SLCO2B1: variants seen among roughly 807,000 people sequenced by gnomAD.
SLCO2B1 encodes the protein solute carrier organic anion transporter family member 2B1, also known as OATP-RP2.
In SLCO2B1, 41 loss-of-function variants were observed where a neutral mutation model predicts 67.3. That is an observed-to-expected ratio of 0.61 (90% CI 0.47 to 0.79). The LOEUF is 0.79. Ranked by LOEUF, SLCO2B1 falls within the 30% of genes least tolerant of loss-of-function variation. The pLI, the probability that SLCO2B1 is intolerant of heterozygous loss-of-function variation, is 0.00. For missense variants in SLCO2B1, 837 were observed against 920.1 expected (o/e 0.91, Z 1.17); for synonymous variants, 379 against 381.4 (o/e 0.99, Z 0.07).
chr11:75,162,329 C>T (rs118174580), intron 1 of SLCO2B1, among the ~76,000 whole-genome samples: 1 of 152,244 alleles, frequency 6.6e-6, no homozygotes, highest in Non-Finnish European at 1.5e-5. Context: ...GGGGCCACTA[C>T]CTGCAGGTGT....
chr11:75,180,185 A>G (rs537723778), intron 7 of SLCO2B1, among the ~76,000 whole-genome samples: 2 of 151,260 alleles, frequency 1.3e-5, no homozygotes, highest in South Asian at 4.2e-4. Context: ...CCTGGCAAAT[A>G]TTTGTAGTTT....
chr11:75,171,046 T>C lies in SLCO2B1; in HGVS notation c.781+1282T>C, dbSNP rs113948729. On this transcript the variant is annotated intron_variant, in intron 6 of 13. Coordinates refer to ENST00000289575, the MANE Select transcript of SLCO2B1 (RefSeq NM_007256.5). ...GAAGCGGACGGGTTGGAGAGGTGCA[T>C]GTGTGAGCTCTCACCAGCCTGACAT... 3.2e-3 allele frequency among the ~76,000 whole-genome samples: 491 copies of C among 152,142 alleles called. 1 individual carries two copies. The highest frequency in any genetic ancestry group is 0.011 in the African/African-American group (475 of 41,500).
intron 7 of SLCO2B1, among the ~76,000 whole-genome samples, chr11:75,175,446 A>G (rs1018609047): frequency 1.8e-4 from 28 of 152,174 alleles, no homozygotes; most frequent in African/African-American, 6.8e-4. Flanking sequence ...GAGAAAGTGA[A>G]GGGCAGAGCT....
chr11:75,189,467 A>T (rs1156905844), intron 8 of SLCO2B1, among the ~76,000 whole-genome samples: 2 of 152,188 alleles, frequency 1.3e-5, no homozygotes, highest in Non-Finnish European at 2.9e-5. Flanking sequence ...AACTGTACTT[A>T]TATATAAGGT....
chr11:75,162,627 T>A (rs754833792), intron 1 of SLCO2B1, 28 bp from the exon 2 acceptor site: 2 of 1,605,052 alleles, frequency 1.2e-6, no homozygotes, highest in Non-Finnish European at 1.7e-6. Flanking sequence ...TTCTATCTAT[T>A]CTCTTTCCCT....
At chr11:75,171,102 A>G (rs914386901) in intron 6 of SLCO2B1, among the ~76,000 whole-genome samples, 2 of 152,088 alleles carry the variant, frequency 1.3e-5, no homozygotes, top group African/African-American at 2.4e-5. Context: ...GTAAGGAGAG[A>G]ATCAAGTCTA....
At chr11:75,167,699 A>G (rs556292834) in intron 4 of SLCO2B1, among the ~76,000 whole-genome samples, 2 of 151,900 alleles carry the variant, frequency 1.3e-5, no homozygotes, top group South Asian at 4.2e-4. Context: ...CACACTCACC[A>G]CCCACCACTC....
At chr11:75,165,181 CA>C (rs113241111) in intron 3 of SLCO2B1, among the ~76,000 whole-genome samples, 1 of 152,168 alleles carries the variant, frequency 6.6e-6, no homozygotes, top group African/African-American at 2.4e-5. Flanking sequence ...CCTGTAATCC[CA>C]GCACTTTGGG....
At chr11:75,169,027 G>A (rs1330283122) in intron 4 of SLCO2B1, 146 bp from the exon 5 acceptor site, 8 of 629,774 alleles carry the variant, frequency 1.3e-5, no homozygotes, top group Non-Finnish European at 1.9e-5. Flanking sequence ...CTATGAAACA[G>A]GCATAATGAG....
chr11:75,155,388 C>T lies in SLCO2B1; in HGVS notation c.16+3991C>T, dbSNP rs537549360. Among the ~76,000 whole-genome samples the T allele has an allele frequency of 3.9e-5, 6 of 152,260 alleles. No individual in the cohort carries two copies. In the East Asian group the frequency reaches 7.7e-4, roughly 20 times the overall value. On this transcript the variant is annotated intron_variant, in intron 1 of 13. Transcript: ENST00000289575. ...CCCCATCCCAACTCATGCACACCACCGCAGTCCCCACCCACAGACCCCGTG... is the reference window on the plus strand; with the variant it reads ...CCCCATCCCAACTCATGCACACCACTGCAGTCCCCACCCACAGACCCCGTG...
chr11:75,153,924 CTTT>C (rs538639501), intron 1 of SLCO2B1, among the ~76,000 whole-genome samples: 35 of 123,932 alleles, frequency 2.8e-4, no homozygotes, highest in African/African-American at 8.3e-4. Flanking sequence ...GTGTACAGTA[CTTT>C]TTTTTTTTTT....
At chr11:75,203,130 G>A in intron 12 of SLCO2B1, 165 bp downstream of exon 12, 1 of 1,157,048 alleles carries the variant, frequency 8.6e-7, no homozygotes, top group South Asian at 1.3e-5. Flanking sequence ...GGGGTATAGA[G>A]GCAGAGTCTA....
chr11:75,198,704 G>T (rs115666409), intron 10 of SLCO2B1, among the ~76,000 whole-genome samples: 1,683 of 152,330 alleles, frequency 0.011, 32 homozygotes, highest in African/African-American at 0.038. Flanking sequence ...CACTGGCCTG[G>T]AATCGTGTCT....
In SLCO2B1 at chr11:75,179,851, G is replaced by A. The variant is rs369295800; in HGVS notation, c.972+7282G>A. On this transcript the variant is annotated intron_variant, in intron 7 of 13. Coordinates refer to ENST00000289575, the MANE Select transcript of SLCO2B1 (RefSeq NM_007256.5). ...TCCCGAGTTAAAGCAATTCTCCTGC[G>A]TCATCCTCCCAAGTGGCTGGGATTA... Among the ~76,000 whole-genome samples, 51 of 148,486 alleles carry A rather than the reference G, an allele frequency of 3.4e-4. 2 individuals are homozygous for A. In the East Asian group the frequency reaches 8.0e-3, roughly 23 times the overall value.
chr11:75,202,136 C>T (rs1268301822), intron 11 of SLCO2B1: 3 of 152,208 alleles, frequency 2.0e-5, no homozygotes, highest in African/African-American at 4.8e-5. Context: ...CATTTTCCTT[C>T]TCCTGGGATT....
chr11:75,151,970 C>T (rs1220927271), intron 1 of SLCO2B1: 1 of 155,468 alleles, frequency 6.4e-6, no homozygotes, highest in African/African-American at 2.4e-5. Context: ...GAGCTACAGA[C>T]AGACCTGCAG....
rs192050675 is a variant in SLCO2B1, at chr11:75,204,448, C to T, written c.1998C>T (p.Phe666=). The change falls in exon 14 of 14, where the codon TTC becomes TTT. Residue 666 remains phenylalanine (F), a synonymous_variant. Transcript: ENST00000289575. ...FFFKTGSVIC[F]ALVLAVLRQQ... Reference sequence around the variant, plus strand: ...TCAAAACAGGTTCTGTGATCTGCTTCGCCTTAGTTTTGGCTGTCCTGAGGC... The same window carrying T: ...TCAAAACAGGTTCTGTGATCTGCTTTGCCTTAGTTTTGGCTGTCCTGAGGC... 5.4e-5 allele frequency: 87 copies of T among 1,612,606 alleles called. No homozygotes were observed. The highest frequency in any genetic ancestry group is 8.4e-5 in the Admixed American group (5 of 59,826).
In SLCO2B1 at chr11:75,204,475, G is replaced by C. The variant is rs1368078054; in HGVS notation, c.2025G>C (p.Gln675His). The C allele has an allele frequency of 6.2e-7, 1 of 1,613,430 alleles. No individual in the cohort carries two copies. The highest frequency in any genetic ancestry group is 8.5e-7 in the Non-Finnish European group (1 of 1,179,700). ...CFALVLAVLR[Q>H]QDKEARTKES... ...CCTTAGTTTTGGCTGTCCTGAGGCA[G>C]CAGGACAAAGAGGCAAGGACCAAAG... The change falls in exon 14 of 14, where the codon CAG (glutamine) becomes CAC (histidine). Residue 675 changes from glutamine (Q) to histidine (H), a missense_variant. Physicochemically the swap from Gln to His is conservative, Grantham distance 24 (BLOSUM62 0). Transcript: ENST00000289575.
intron 7 of SLCO2B1, 98 bp downstream of exon 7, chr11:75,172,667 C>A: frequency 1.8e-6 from 2 of 1,123,758 alleles, no homozygotes; most frequent in Non-Finnish European, 2.6e-6. Context: ...TGGTGGCTCA[C>A]ATCTGTAGTT....
Sources: gnomAD v4.1 joint callset for allele counts (sites outside exome capture counted in the v4.1 genomes callset) on GRCh38, gnomAD v4.1.1 for gene constraint, MANE v1.5 for transcripts, NCBI Gene and HGNC (gene_info 2026-07-23, HGNC 2026-07-21) for gene names.